WASF3: variants seen among roughly 807,000 people sequenced by gnomAD.
WASF3 encodes the protein WASP family member 3, also known as actin-binding protein WASF3.
WASF3 carries 11 observed loss-of-function variants against 46.6 expected under a neutral mutation model. The observed-to-expected ratio is 0.24, with a 90% CI of 0.15 to 0.39. WASF3 has a LOEUF of 0.39. Among genes scored for constraint, WASF3 ranks in the 10% least tolerant of loss-of-function variants. The pLI is 1.00. For synonymous variants in WASF3, 242 were observed against 259.7 expected, an observed-to-expected ratio of 0.93 and a Z score of 0.65; for missense variants, 576 against 669.8, an observed-to-expected ratio of 0.86 and a Z score of 1.55.
intron 1 of WASF3, among the ~76,000 whole-genome samples, chr13:26,594,611 T>C (rs563192994): frequency 4.7e-4 from 72 of 152,332 alleles, no homozygotes; most frequent in Admixed American, 8.5e-4. Flanking sequence ...ACATCATTCA[T>C]ACTGCCAAAG....
intron 2 of WASF3, among the ~76,000 whole-genome samples, chr13:26,619,672 A>G (rs1347308718): frequency 1.3e-5 from 2 of 152,224 alleles, no homozygotes; most frequent in Non-Finnish European, 2.9e-5. Context: ...TCAGGAGTTG[A>G]AGGACCAGAC....
chr13:26,643,176 T>A (rs972658909), intron 3 of WASF3, among the ~76,000 whole-genome samples: 6 of 152,188 alleles, frequency 3.9e-5, no homozygotes, highest in Non-Finnish European at 7.3e-5. Flanking sequence ...TTACATTTAT[T>A]TTCTGATCTT....
intron 3 of WASF3, among the ~76,000 whole-genome samples, chr13:26,655,800 T>G (rs1363406113): frequency 6.6e-6 from 1 of 152,204 alleles, no homozygotes; most frequent in East Asian, 1.9e-4. Context: ...GATCCTTACG[T>G]TTTTCCACAT....
intron 3 of WASF3, among the ~76,000 whole-genome samples, chr13:26,656,674 GT>G (rs1882476365): frequency 6.6e-6 from 1 of 151,732 alleles, no homozygotes; most frequent in Non-Finnish European, 1.5e-5. Context: ...TTCCATTAAA[GT>G]TTTTAATTTA....
At chr13:26,665,389 C>A (rs1367897003) in intron 4 of WASF3, among the ~76,000 whole-genome samples, 1 of 152,166 alleles carries the variant, frequency 6.6e-6, no homozygotes, top group East Asian at 1.9e-4. Flanking sequence ...TAAAAAATTA[C>A]AAATATAGTA....
intron 2 of WASF3, among the ~76,000 whole-genome samples, chr13:26,623,528 T>C (rs961379320): frequency 1.5e-4 from 23 of 152,222 alleles, no homozygotes; most frequent in South Asian, 1.0e-3. Flanking sequence ...GACAGACTCT[T>C]AGGCTCATAA....
At chr13:26,613,648 T>C (rs1294473846) in intron 2 of WASF3, among the ~76,000 whole-genome samples, 1 of 152,120 alleles carries the variant, frequency 6.6e-6, no homozygotes, top group Non-Finnish European at 1.5e-5. Context: ...CATGTGCCTG[T>C]AATTCCAGCT....
At chr13:26,574,950 C>T (rs1328543470) in intron 1 of WASF3, among the ~76,000 whole-genome samples, 1 of 151,878 alleles carries the variant, frequency 6.6e-6, no homozygotes, top group African/African-American at 2.4e-5. Flanking sequence ...CATTGTCCTG[C>T]CTCAGCCTCT....
chr13:26,568,544 A>G (rs544494042), intron 1 of WASF3, among the ~76,000 whole-genome samples: 1 of 152,272 alleles, frequency 6.6e-6, no homozygotes, highest in African/African-American at 2.4e-5. Context: ...TGGAAGGACT[A>G]CTTGCATGCA....
Position 26,558,243 on chromosome 13 carries a change from G to C in WASF3, c.-109+424G>C, listed in dbSNP as rs1050476958. Among the ~76,000 whole-genome samples, 21 of 152,140 alleles carry C rather than the reference G, an allele frequency of 1.4e-4. No homozygotes were observed. The East Asian group carries it at 3.9e-3, about 28-fold the overall frequency. ...CTCCGCGTCCGGGACCTTCGCATCC[G>C]TTCAGTGTCTGCGCGCCCTCGCTGG... On this transcript the variant is annotated intron_variant, in intron 1 of 9. Transcript: ENST00000335327.
rs528465627 is a variant in WASF3 at position 26,618,230 on chromosome 13, A to G, written c.-11+5172A>G. Among the ~76,000 whole-genome samples, 137 of 151,962 alleles carry G rather than the reference A, an allele frequency of 9.0e-4. 1 individual carries two copies. Among genetic ancestry groups the G allele is most frequent in the African/African-American group, 3.1e-3 (129 of 41,436 alleles). ...CTTGTCCATTGCTGACTTTATTACA[A>G]TTTTTTCCTGTAATGGTTTGTTATT... On this transcript the variant is annotated intron_variant, in intron 2 of 9. Transcript: ENST00000335327.
chr13:26,667,462 T>C (rs942058729), intron 4 of WASF3, 55 bp from the exon 5 acceptor site: 2 of 1,516,428 alleles, frequency 1.3e-6, no homozygotes, highest in African/African-American at 2.8e-5. Flanking sequence ...TATTTACTTC[T>C]AAACAGTTAA....
intron 3 of WASF3, among the ~76,000 whole-genome samples, chr13:26,662,264 A>G (rs767863021): frequency 7.9e-5 from 12 of 152,252 alleles, no homozygotes; most frequent in Non-Finnish European, 1.3e-4. Context: ...AAGAACTTAA[A>G]ACAGAACTAC....
chr13:26,576,831 C>T (rs189816060), intron 1 of WASF3: 48 of 485,096 alleles, frequency 9.9e-5, no homozygotes, highest in Admixed American at 7.2e-4. Context: ...TGGTAACATC[C>T]TACGTAACTA....
At chr13:26,664,683 G>A (rs1882720601) in intron 3 of WASF3, among the ~76,000 whole-genome samples, 1 of 152,228 alleles carries the variant, frequency 6.6e-6, no homozygotes, top group African/African-American at 2.4e-5. Context: ...TGAGGAATAA[G>A]TGAAAGTTTG....
At chr13:26,567,609 A>G (rs1411508548) in intron 1 of WASF3, among the ~76,000 whole-genome samples, 1 of 152,154 alleles carries the variant, frequency 6.6e-6, no homozygotes, top group Non-Finnish European at 1.5e-5. Context: ...TTACAGTAAA[A>G]ATTCCTGACC....
At chr13:26,677,490 T>C (rs186098289) in intron 7 of WASF3, among the ~76,000 whole-genome samples, 1 of 152,364 alleles carries the variant, frequency 6.6e-6, no homozygotes, top group African/African-American at 2.4e-5. Flanking sequence ...TGATCAAGAA[T>C]GTTTCAAAAC....
chr13:26,616,293 T>C (rs879755857), intron 2 of WASF3, among the ~76,000 whole-genome samples: 24 of 152,326 alleles, frequency 1.6e-4, no homozygotes, highest in Non-Finnish European at 3.1e-4. Context: ...CTTTTTAAGT[T>C]TAGCCATTCT....
In WASF3 at chr13:26,603,376, A is replaced by C. The variant is rs975190999; in HGVS notation, c.-108-9585A>C. On this transcript the variant is annotated intron_variant, in intron 1 of 9. Coordinates refer to ENST00000335327, the MANE Select transcript of WASF3 (RefSeq NM_006646.6). ...GAATATTCAGGAATCAAGGTAGGTC[A>C]AATCAAGGAAATAAAAACACAAATA... Among the ~76,000 whole-genome samples, 23 of 152,364 alleles carry C rather than the reference A, an allele frequency of 1.5e-4. 1 individual carries two copies. The highest frequency in any genetic ancestry group is 5.3e-4 in the African/African-American group (22 of 41,582).
Sources: gnomAD v4.1 joint callset for allele counts (sites outside exome capture counted in the v4.1 genomes callset) on GRCh38, gnomAD v4.1.1 for gene constraint, MANE v1.5 for transcripts, NCBI Gene and HGNC (gene_info 2026-07-23, HGNC 2026-07-21) for gene names.